The following NRXN3 variants were observed in gnomAD, a reference collection of about 807,000 sequenced individuals.
NRXN3 encodes the protein neurexin III.
A neutral mutation model predicts 137.6 loss-of-function variants in NRXN3; 32 were observed. The ratio of observed to expected loss-of-function variants is 0.23; its 90% CI spans 0.18 to 0.31. The LOEUF (loss-of-function observed/expected upper bound fraction) is 0.31, where lower values mean the gene tolerates loss of function less well. NRXN3 is among the 10% of genes least tolerant of loss of function. The pLI is 1.00. For missense variants in NRXN3, 1,574 were observed against 2,062.5 expected, an observed-to-expected ratio of 0.76 and a Z score of 4.59; for synonymous variants, 798 against 784.5, an observed-to-expected ratio of 1.02 and a Z score of -0.29.
intron 15 of NRXN3, among the ~76,000 whole-genome samples, chr14:79,334,209 A>T (rs1237873033): frequency 1.3e-5 from 2 of 152,200 alleles, no homozygotes. Context: ...TCTGGAAATA[A>T]ATATATACTC....
intron 19 of NRXN3, among the ~76,000 whole-genome samples, chr14:79,741,801 TACACACACACAC>T (rs34107894): frequency 3.4e-5 from 5 of 146,828 alleles, no homozygotes; most frequent in African/African-American, 5.0e-5. Context: ...GTGTATACAT[TACACACACACAC>T]ACACACACAC....
At chr14:78,707,955 G>C (rs1267704416) in intron 6 of NRXN3, among the ~76,000 whole-genome samples, 1 of 152,136 alleles carries the variant, frequency 6.6e-6, no homozygotes, top group Non-Finnish European at 1.5e-5. Context: ...GTTGATTGAT[G>C]AACGTTTGGG....
intron 14 of NRXN3, among the ~76,000 whole-genome samples, chr14:78,977,879 CAT>C (rs1174043922): frequency 6.6e-6 from 1 of 152,260 alleles, no homozygotes; most frequent in Non-Finnish European, 1.5e-5. Context: ...AAAACCAACA[CAT>C]GTTACAAATC....
intron 16 of NRXN3, among the ~76,000 whole-genome samples, chr14:79,470,451 G>T (rs2096485367): frequency 6.6e-6 from 1 of 152,070 alleles, no homozygotes; most frequent in Non-Finnish European, 1.5e-5. Flanking sequence ...CATGGCAGAA[G>T]GGCAGAAAGA....
intron 15 of NRXN3, among the ~76,000 whole-genome samples, chr14:79,291,114 G>T (rs757176721): frequency 1.3e-5 from 2 of 151,878 alleles, no homozygotes; most frequent in Non-Finnish European, 1.5e-5. Context: ...TTTTTTCATT[G>T]AATCAATATC....
intron 10 of NRXN3, among the ~76,000 whole-genome samples, chr14:78,816,658 T>C (rs1008858214): frequency 1.4e-4 from 21 of 152,178 alleles, no homozygotes; most frequent in African/African-American, 4.6e-4. Flanking sequence ...AGAAGATCTA[T>C]TGGATAAATT....
intron 19 of NRXN3, among the ~76,000 whole-genome samples, chr14:79,757,503 C>A (rs540490705): frequency 2.6e-4 from 40 of 152,278 alleles, no homozygotes; most frequent in African/African-American, 9.4e-4. Flanking sequence ...TATAAATTCT[C>A]CCTGCAGTTT....
At chr14:78,290,581 A>G (rs2075702800) in intron 3 of NRXN3, among the ~76,000 whole-genome samples, 1 of 152,160 alleles carries the variant, frequency 6.6e-6, no homozygotes, top group South Asian at 2.1e-4. Flanking sequence ...GCAGTGAGCC[A>G]CGATCCACGA....
chr14:78,967,464 A>G lies in NRXN3; in HGVS notation c.2968+66A>G, dbSNP rs1389637520. On this transcript the variant is annotated intron_variant, in intron 13 of 20. Coordinates refer to ENST00000335750, the MANE Select transcript of NRXN3 (RefSeq NM_001330195.2). ...CTTACAATAGATAGACTATTTCCAG[A>G]GGCAAACCACAGGTTCAGAGTGCCA... 5.1e-6 allele frequency: 6 copies of G among 1,182,098 alleles called. No individual in the cohort carries two copies. In the Admixed American group the frequency reaches 6.2e-5, roughly 12 times the overall value. 73.2% of individuals were successfully genotyped at this position (1,182,098 alleles called of 1,614,324 possible). A position where few individuals can be genotyped will look rare whatever the true frequency, so the allele number is the denominator to read the frequency against.
rs114677462 is a variant in NRXN3, at chr14:79,688,113, G to A, written c.3617-4060G>A. The stretch of plus-strand genomic sequence containing the variant: ...CATCTTTTGAATGAAGGACTGATAA[G>A]GTAGTGAGACAAGGGAAGCATACCG... On this transcript the variant is annotated intron_variant, in intron 17 of 20. Transcript: ENST00000335750. 7.5e-3 allele frequency among the ~76,000 whole-genome samples: 1,148 copies of A among 152,222 alleles called. 15 individuals carry two copies. The highest frequency in any genetic ancestry group is 0.026 in the African/African-American group (1,098 of 41,546).
At chr14:79,053,615 CT>C (rs1441091666) in intron 15 of NRXN3, among the ~76,000 whole-genome samples, 1 of 106,398 alleles carries the variant, frequency 9.4e-6, no homozygotes, top group African/African-American at 3.4e-5. Flanking sequence ...TCTATGTGTG[CT>C]GTATGCCGTG....
At chr14:79,283,199 A>G (rs1404072722) in intron 15 of NRXN3, among the ~76,000 whole-genome samples, 1 of 152,228 alleles carries the variant, frequency 6.6e-6, no homozygotes. Flanking sequence ...CTTATTCCAG[A>G]GTTAAAGGCA....
intron 4 of NRXN3, among the ~76,000 whole-genome samples, chr14:78,449,697 C>T (rs527783835): frequency 5.6e-4 from 85 of 152,330 alleles, no homozygotes; most frequent in Non-Finnish European, 9.4e-4. Context: ...GATGAAGACA[C>T]ACACAGGAAG....
intron 15 of NRXN3, among the ~76,000 whole-genome samples, chr14:79,076,057 G>A (rs2045918993): frequency 6.6e-6 from 1 of 152,148 alleles, no homozygotes; most frequent in Admixed American, 6.6e-5. Flanking sequence ...CAACTTTGTG[G>A]TAAAAACCAT....
At chr14:79,124,504 T>G (rs2056050378) in intron 15 of NRXN3, among the ~76,000 whole-genome samples, 2 of 152,212 alleles carry the variant, frequency 1.3e-5, no homozygotes. Context: ...TGAGATCTAC[T>G]GGGAGAATTA....
intron 20 of NRXN3, among the ~76,000 whole-genome samples, chr14:79,813,111 AC>A (rs1434121975): frequency 6.6e-6 from 1 of 152,172 alleles, no homozygotes; most frequent in East Asian, 1.9e-4. Context: ...AACAGCCCCT[AC>A]CATCAGTCAT....
At chr14:78,250,440 C>G (rs1437064397) in intron 2 of NRXN3, among the ~76,000 whole-genome samples, 2 of 152,324 alleles carry the variant, frequency 1.3e-5, no homozygotes, top group Non-Finnish European at 2.9e-5. Flanking sequence ...CTACCTCCAC[C>G]AGTTTCCCTT....
At chr14:79,336,917 T>C (rs1200397148) in intron 15 of NRXN3, among the ~76,000 whole-genome samples, 1 of 152,190 alleles carries the variant, frequency 6.6e-6, no homozygotes, top group Non-Finnish European at 1.5e-5. Context: ...TGAGTATAAA[T>C]GTTCACATAA....
At chr14:79,235,193 A>G (rs2073158791) in intron 15 of NRXN3, among the ~76,000 whole-genome samples, 1 of 152,142 alleles carries the variant, frequency 6.6e-6, no homozygotes, top group Admixed American at 6.6e-5. Flanking sequence ...CATGTGAAAG[A>G]CAGCATACCT....
Sources: gnomAD v4.1 joint callset for allele counts (sites outside exome capture counted in the v4.1 genomes callset) on GRCh38, gnomAD v4.1.1 for gene constraint, MANE v1.5 for transcripts, NCBI Gene and HGNC (gene_info 2026-07-23, HGNC 2026-07-21) for gene names.